Variants in DOCK3 observed in about 807,000 individuals in gnomAD.
The protein encoded by DOCK3 is dedicator of cytokinesis protein 3.
In DOCK3, 60 loss-of-function variants were observed where a neutral mutation model predicts 265.6. The ratio of observed to expected loss-of-function variants is 0.23; its 90% CI spans 0.18 to 0.28. The LOEUF is 0.28. Among genes scored for constraint, DOCK3 ranks in the 10% least tolerant of loss-of-function variants. The pLI is 1.00. For synonymous variants in DOCK3, 881 were observed against 938.0 expected, an observed-to-expected ratio of 0.94 and a Z score of 1.11; for missense variants, 1,981 against 2,594.3, an observed-to-expected ratio of 0.76 and a Z score of 5.14.
chr3:51,198,594 A>AAC, intron 12 of DOCK3, among the ~76,000 whole-genome samples: 1 of 151,890 alleles, frequency 6.6e-6, no homozygotes, highest in Non-Finnish European at 1.5e-5. Flanking sequence ...AAAAAAAAAA[A>AAC]AACAGGGAAA....
At chr3:51,377,795 C>T (rs558633335) in intron 51 of DOCK3, among the ~76,000 whole-genome samples, 6 of 152,220 alleles carry the variant, frequency 3.9e-5, no homozygotes, top group Non-Finnish European at 7.3e-5. Flanking sequence ...CCTTCCTGCC[C>T]TAGAGCTCCT....
At chr3:51,194,027 A>C (rs572702671) in intron 12 of DOCK3, among the ~76,000 whole-genome samples, 19 of 151,818 alleles carry the variant, frequency 1.3e-4, no homozygotes, top group Non-Finnish European at 1.9e-4. Flanking sequence ...CAACTATTTT[A>C]TGTAGGCATT....
intron 26 of DOCK3, among the ~76,000 whole-genome samples, chr3:51,278,759 C>A (rs2108972463): frequency 6.6e-6 from 1 of 152,206 alleles, no homozygotes; most frequent in Middle Eastern, 3.4e-3. Flanking sequence ...GGAAGTGATT[C>A]ATTTTATGTA....
At chr3:50,908,246 T>C (rs2049654171) in intron 4 of DOCK3, among the ~76,000 whole-genome samples, 1 of 149,470 alleles carries the variant, frequency 6.7e-6, no homozygotes, top group Non-Finnish European at 1.5e-5. Context: ...CTGATCCTGG[T>C]TATTTCTTGC....
chr3:51,057,562 T>C (rs1186472034), intron 5 of DOCK3, among the ~76,000 whole-genome samples: 1 of 152,228 alleles, frequency 6.6e-6, no homozygotes, highest in Non-Finnish European at 1.5e-5. Context: ...AAAAGGATTG[T>C]TTTTCCTGAG....
rs765775340 is a variant in DOCK3 at position 51,228,104 on chromosome 3, G to T, written c.1647+16G>T. ...TGTGTACAAGGTATGAAGCCTAGCTGCCTTTCATCCCCACCCCTTACCTGC... is the reference window on the plus strand; with the variant it reads ...TGTGTACAAGGTATGAAGCCTAGCTTCCTTTCATCCCCACCCCTTACCTGC... On this transcript the variant is annotated intron_variant, in intron 17 of 52. Coordinates refer to ENST00000266037, the MANE Select transcript of DOCK3 (RefSeq NM_004947.5). The T allele has an allele frequency of 6.2e-7, 1 of 1,612,614 alleles. No individual in the cohort carries two copies. The highest frequency in any genetic ancestry group is 8.5e-7 in the Non-Finnish European group (1 of 1,178,710).
chr3:50,976,748 A>G (rs1310348595), intron 5 of DOCK3, among the ~76,000 whole-genome samples: 2 of 149,272 alleles, frequency 1.3e-5, no homozygotes, highest in African/African-American at 2.4e-5. Context: ...TGGGGTGTTA[A>G]AGTCTCCCAT....
chr3:51,356,590 G>C, intron 43 of DOCK3, 97 bp downstream of exon 43: 3 of 1,287,658 alleles, frequency 2.3e-6, no homozygotes, highest in Non-Finnish European at 2.2e-6. Context: ...AGAGAGCGTC[G>C]GCCACCTGCC....
chr3:51,099,366 TCTAA>T (rs1334401706), intron 9 of DOCK3, among the ~76,000 whole-genome samples: 1 of 152,226 alleles, frequency 6.6e-6, no homozygotes, highest in Non-Finnish European at 1.5e-5. Flanking sequence ...ATGTTCTGAG[TCTAA>T]CTGTTAGGCT....
chr3:51,161,182 C>T (rs1172868291), intron 12 of DOCK3, among the ~76,000 whole-genome samples: 1 of 151,688 alleles, frequency 6.6e-6, no homozygotes, highest in Admixed American at 6.6e-5. Flanking sequence ...CGGTGGCTCA[C>T]GCCTGTAATC....
chr3:51,038,555 A>G (rs2080359920), intron 5 of DOCK3, among the ~76,000 whole-genome samples: 1 of 152,026 alleles, frequency 6.6e-6, no homozygotes, highest in African/African-American at 2.4e-5. Context: ...GTTTATTCCA[A>G]ATGAGTAAGA....
At chr3:51,231,121 CTTTTTT>C (rs754271357) in intron 19 of DOCK3, among the ~76,000 whole-genome samples, 8 of 77,738 alleles carry the variant, frequency 1.0e-4, no homozygotes, top group South Asian at 5.6e-4. Context: ...TATTTTTTGA[CTTTTTT>C]TTTTTTTTTT....
intron 17 of DOCK3, 86 bp downstream of exon 17, chr3:51,228,174 C>A (rs1488850232): frequency 2.2e-6 from 3 of 1,341,922 alleles, no homozygotes; most frequent in Non-Finnish European, 2.1e-6. Context: ...GTGGTTTTCA[C>A]TGGGCAGGCC....
chr3:51,118,253 T>C (rs542590258), intron 9 of DOCK3, among the ~76,000 whole-genome samples: 1 of 152,330 alleles, frequency 6.6e-6, no homozygotes, highest in East Asian at 1.9e-4. Context: ...TCAATTTCCA[T>C]GTAGTTGTGC....
At chr3:50,683,147 A>G (rs1280626873) in intron 1 of DOCK3, among the ~76,000 whole-genome samples, 1 of 152,262 alleles carries the variant, frequency 6.6e-6, no homozygotes, top group Admixed American at 6.5e-5. Flanking sequence ...TACTGAATTT[A>G]TAACAACTCT....
intron 1 of DOCK3, among the ~76,000 whole-genome samples, chr3:50,681,140 CT>C (rs1212535706): frequency 6.6e-6 from 1 of 152,038 alleles, no homozygotes; most frequent in African/African-American, 2.4e-5. Context: ...ATTCAGTAGA[CT>C]TCAGATTTCT....
chr3:50,718,707 T>C (rs1250841718), intron 1 of DOCK3, among the ~76,000 whole-genome samples: 2 of 152,046 alleles, frequency 1.3e-5, no homozygotes, highest in African/African-American at 4.8e-5. Context: ...ATATATTAGA[T>C]TCCTTTTGCC....
intron 5 of DOCK3, among the ~76,000 whole-genome samples, chr3:50,974,242 A>T (rs2077355729): frequency 6.6e-6 from 1 of 151,794 alleles, no homozygotes; most frequent in Non-Finnish European, 1.5e-5. Flanking sequence ...GGTATTGCCT[A>T]GGTTTTCTTC....
intron 27 of DOCK3, among the ~76,000 whole-genome samples, chr3:51,282,969 T>C (rs1490033201): frequency 6.6e-6 from 1 of 152,068 alleles, no homozygotes; most frequent in Non-Finnish European, 1.5e-5. Flanking sequence ...TCCACCAACA[T>C]AGTAAAAGAA....
Sources: gnomAD v4.1 joint callset for allele counts (sites outside exome capture counted in the v4.1 genomes callset) on GRCh38, gnomAD v4.1.1 for gene constraint, MANE v1.5 for transcripts, NCBI Gene and HGNC (gene_info 2026-07-23, HGNC 2026-07-21) for gene names.